ZNF292: variants seen among roughly 807,000 people sequenced by gnomAD.
The protein encoded by ZNF292 is zinc finger protein 292.
ZNF292 carries 26 observed loss-of-function variants against 217.9 expected under a neutral mutation model. That is an observed-to-expected ratio of 0.12 (90% confidence interval 0.09 to 0.17). The LOEUF is 0.17. Among genes scored for constraint, ZNF292 ranks in the 10% least tolerant of loss-of-function variants. The pLI, the probability that ZNF292 is intolerant of heterozygous loss-of-function variation, is 1.00. For synonymous variants in ZNF292, 1,257 were observed against 1,124.1 expected (o/e 1.12, Z -2.37); for missense variants, 2,904 against 3,175.2 (o/e 0.91, Z 2.05).
chr6:87,194,963 A>G (rs1286212358), intron 1 of ZNF292, among the ~76,000 whole-genome samples: 1 of 152,098 alleles, frequency 6.6e-6, no homozygotes, highest in Non-Finnish European at 1.5e-5. Context: ...AGTAGATGCT[A>G]CAAATGGCCT....
chr6:87,240,179 G>T (rs528865604), intron 5 of ZNF292, among the ~76,000 whole-genome samples: 5 of 152,216 alleles, frequency 3.3e-5, no homozygotes, highest in African/African-American at 9.6e-5. Context: ...GCGAAACCCC[G>T]TCTCCACCAA....
At chr6:87,216,165 A>G (rs1025615628) in intron 2 of ZNF292, 108 bp downstream of exon 2, 1 of 1,316,698 alleles carries the variant, frequency 7.6e-7, no homozygotes, top group Non-Finnish European at 1.0e-6. Context: ...ACAACATTAA[A>G]TCTCAAGTCT....
intron 1 of ZNF292, among the ~76,000 whole-genome samples, chr6:87,197,704 G>A (rs1771990570): frequency 8.1e-6 from 1 of 122,742 alleles, no homozygotes; most frequent in Non-Finnish European, 1.6e-5. Context: ...CTGAGCAACA[G>A]AGTGAGACTC....
chr6:87,191,701 C>CT (rs1369885750), intron 1 of ZNF292, among the ~76,000 whole-genome samples: 2 of 152,198 alleles, frequency 1.3e-5, no homozygotes, highest in Non-Finnish European at 2.9e-5. Flanking sequence ...GAGTCTTGCT[C>CT]TGTCACCCAG....
intron 1 of ZNF292, among the ~76,000 whole-genome samples, chr6:87,161,039 GAACAGGTCCAGGTA>G (rs1174963587): frequency 6.6e-6 from 1 of 151,836 alleles, no homozygotes; most frequent in African/African-American, 2.4e-5. Flanking sequence ...ACTTTATTTG[GAACAGGTCCAGGTA>G]AATGATATTC....
At position 87,260,957 on chromosome 6, in the gene ZNF292, G is replaced by A. The variant is rs767313025; in HGVS notation, c.7328G>A (p.Gly2443Asp). 4 of 1,610,292 alleles carry A rather than the reference G, an allele frequency of 2.5e-6. 1 individual carries two copies. In the South Asian group the frequency reaches 3.3e-5, roughly 13 times the overall value. Residue 2443 changes from glycine (G) to aspartate (D), a missense_variant, in exon 8 of 8, where the codon GGT becomes GAT. Physicochemically the swap from Gly to Asp is moderately conservative, Grantham distance 94. Transcript: ENST00000369577. ...GTAAAGGAAACGTCTGAGCAAGAAG[G>A]TGCTAAGAATGATGTGAAAGATTCT... is the stretch of plus-strand genomic sequence containing the variant. ...SQVKETSEQE[G>D]AKNDVKDSDT...
Position 87,262,780 on chromosome 6 carries a change from T to G in ZNF292, c.*979T>G, listed in dbSNP as rs1472899455. ...ATCTTATAAAGATTTTTTGTTTTGT[T>G]TTGTTTTCCATTTTCTGAGATTTAT... On this transcript the variant is annotated 3_prime_UTR_variant, in exon 8 of 8. Coordinates refer to ENST00000369577, the MANE Select transcript of ZNF292 (RefSeq NM_015021.3). 1.3e-5 allele frequency: 2 copies of G among 151,990 alleles called. No homozygotes were observed. The highest frequency in any genetic ancestry group is 1.3e-4 in the Admixed American group (2 of 15,252). The allele number at this position is 151,990 out of a possible 1,614,324, so 9.4% of individuals were successfully genotyped here. A position where few individuals can be genotyped will look rare whatever the true frequency, so the allele number is the denominator to read the frequency against.
At chr6:87,226,629 GTATATATATCTATATATCTATA>G (rs1773356758) in intron 4 of ZNF292, among the ~76,000 whole-genome samples, 5 of 139,902 alleles carry the variant, frequency 3.6e-5, no homozygotes, top group Non-Finnish European at 1.5e-5. Flanking sequence ...TTTAGTGTGT[GTATATATATCTATATATCTATA>G]TATATATAGA....
intron 6 of ZNF292, among the ~76,000 whole-genome samples, chr6:87,244,402 A>C (rs906684052): frequency 8.5e-5 from 13 of 152,242 alleles, no homozygotes; most frequent in Non-Finnish European, 1.6e-4. Flanking sequence ...TAGGTTTTCT[A>C]GTTATACCAG....
In ZNF292 at chr6:87,256,166, A is replaced by G; in HGVS notation, c.2537A>G (p.Asn846Ser). 11 of 1,613,858 alleles carry G rather than the reference A, an allele frequency of 6.8e-6. No individual in the cohort carries two copies. The highest frequency in any genetic ancestry group is 7.6e-6 in the Non-Finnish European group (9 of 1,179,846). ...GTGCTGCCTCCTGAAGCCCAACTTA[A>G]TTCATCTGGAGATTCCATTCAGCCT... is the stretch of plus-strand genomic sequence containing the variant. ...EKVLPPEAQLNSSGDSIQPSE... is the reference protein window; with the variant it reads ...EKVLPPEAQLSSSGDSIQPSE... The change falls in exon 8 of 8, where the codon AAT becomes AGT. Residue 846 changes from asparagine (N) to serine (S), a missense_variant. Physicochemically the swap from Asn to Ser is conservative, Grantham distance 46 (BLOSUM62 1). Around this residue, in one of 15 missense-constraint regions of ZNF292, gnomAD observed 687 missense variants for 623.0 expected, o/e 1.10. Transcript: ENST00000369577.
At chr6:87,225,567 T>C (rs1418093399) in intron 4 of ZNF292, among the ~76,000 whole-genome samples, 1 of 152,208 alleles carries the variant, frequency 6.6e-6, no homozygotes, top group Non-Finnish European at 1.5e-5. Flanking sequence ...AATTTATGTT[T>C]AGTGAATTCA....
At chr6:87,223,363 G>C (rs1213064884) in intron 4 of ZNF292, 1 of 152,542 alleles carries the variant, frequency 6.6e-6, no homozygotes, top group East Asian at 1.9e-4. Context: ...GGGATTACAG[G>C]CATGAGCCAC....
chr6:87,165,608 A>C (rs969911426), intron 1 of ZNF292, among the ~76,000 whole-genome samples: 5 of 152,194 alleles, frequency 3.3e-5, no homozygotes, highest in African/African-American at 1.2e-4. Flanking sequence ...AGTTTGAAAA[A>C]TACTATTTTA....
chr6:87,174,926 T>C (rs1283663147), intron 1 of ZNF292, among the ~76,000 whole-genome samples: 1 of 152,206 alleles, frequency 6.6e-6, no homozygotes, highest in Non-Finnish European at 1.5e-5. Context: ...TTTCCCGAAG[T>C]CGTCATCTCA....
In ZNF292 at chr6:87,218,646, A is replaced by G. The variant is rs1178322227; in HGVS notation, c.453A>G (p.Leu151=). The change falls in exon 4 of 8, where the codon TTA becomes TTG. Residue 151 remains leucine (L), a synonymous_variant. Transcript: ENST00000369577. ...ATGGCAGCTGTGAATTGCATTTTTT[A>G]GCTACTCTAGCTCAAGAGACTGGGG... The part of the protein sequence containing the change: ...MENGSCELHF[L]ATLAQETGVW... 1 of 1,579,900 alleles carries G rather than the reference A, an allele frequency of 6.3e-7. No individual in the cohort carries two copies. Among genetic ancestry groups the G allele is most frequent in the Non-Finnish European group, 8.6e-7 (1 of 1,162,736 alleles).
In ZNF292 at chr6:87,265,101, CTCTCTCTT is replaced by C. The variant is rs899391686; in HGVS notation, c.*3302_*3309del. Reference sequence around the variant, plus strand: ...TTGTGTGCTGTAGTTCTCTCTCTCTCTCTCTCTTTTTTTTTCTTTGTTTTTTTTGGAGA... The same window carrying C: ...TTGTGTGCTGTAGTTCTCTCTCTCTCTTTTTTTCTTTGTTTTTTTTGGAGA... On this transcript the variant is annotated 3_prime_UTR_variant, in exon 8 of 8. Transcript: ENST00000369577. Among the ~76,000 whole-genome samples the C allele has an allele frequency of 3.3e-5, 5 of 151,974 alleles. No homozygotes were observed. Among genetic ancestry groups the C allele is most frequent in the African/African-American group, 1.2e-4 (5 of 41,370 alleles).
At chr6:87,202,187 A>T (rs1772118576) in intron 1 of ZNF292, among the ~76,000 whole-genome samples, 1 of 152,166 alleles carries the variant, frequency 6.6e-6, no homozygotes, top group Admixed American at 6.5e-5. Context: ...CTATCTATGT[A>T]TGTGGTATTT....
At chr6:87,215,370 G>A (rs1772700092) in intron 1 of ZNF292, among the ~76,000 whole-genome samples, 1 of 151,896 alleles carries the variant, frequency 6.6e-6, no homozygotes, top group Admixed American at 6.6e-5. Context: ...TTTATATGTT[G>A]AAAGTCTTTG....
chr6:87,178,538 A>G (rs1395027522), intron 1 of ZNF292, among the ~76,000 whole-genome samples: 1 of 152,230 alleles, frequency 6.6e-6, no homozygotes, highest in Non-Finnish European at 1.5e-5. Flanking sequence ...GCTTACATTT[A>G]TTAAAGTTAT....
Sources: gnomAD v4.1 joint callset for allele counts (sites outside exome capture counted in the v4.1 genomes callset) on GRCh38, gnomAD v4.1.1 for gene constraint, gnomAD v4.1.1 regional missense constraint, MANE v1.5 for transcripts, NCBI Gene and HGNC (gene_info 2026-07-23, HGNC 2026-07-21) for gene names.